MTUS2: variants seen among roughly 807,000 people sequenced by gnomAD.
MTUS2 encodes microtubule associated scaffold protein 2.
Under a neutral mutation model 114.1 loss-of-function variants are expected in MTUS2, and 40 were observed. The observed-to-expected ratio is 0.35, with a 90% CI of 0.27 to 0.46. The LOEUF (loss-of-function observed/expected upper bound fraction) is 0.46. Ranked by LOEUF, MTUS2 falls within the 20% of genes least tolerant of loss-of-function variation. The pLI is 1.00. For synonymous variants in MTUS2, 688 were observed against 672.0 expected (o/e 1.02, Z -0.37); for missense variants, 1,679 against 1,705.4 (o/e 0.98, Z 0.27).
At chr13:29,447,361 G>A (rs932411432) in intron 9 of MTUS2, among the ~76,000 whole-genome samples, 1 of 152,050 alleles carries the variant, frequency 6.6e-6, no homozygotes, top group Non-Finnish European at 1.5e-5. Context: ...GCATAAAGGG[G>A]GAGTATTTTG....
intron 4 of MTUS2, among the ~76,000 whole-genome samples, chr13:29,036,470 A>G (rs2475539): frequency 0.96 from 145,562 of 152,310 alleles, 69,662 homozygotes; most frequent in South Asian, 0.98. Flanking sequence ...TGGTGCTGAG[A>G]AGAATGTATA....
At chr13:29,309,921 A>G (rs910206414) in intron 6 of MTUS2, among the ~76,000 whole-genome samples, 2 of 152,116 alleles carry the variant, frequency 1.3e-5, no homozygotes, top group East Asian at 3.9e-4. Flanking sequence ...GTTACAAACA[A>G]TTCAGTTATC....
intron 2 of MTUS2, among the ~76,000 whole-genome samples, chr13:28,939,346 T>C: frequency 6.6e-6 from 1 of 152,204 alleles, no homozygotes; most frequent in East Asian, 1.9e-4. Context: ...CATTTTTAAC[T>C]GGAGAAATAA....
chr13:29,310,486 G>A (rs1899704648), intron 6 of MTUS2, among the ~76,000 whole-genome samples: 1 of 152,112 alleles, frequency 6.6e-6, no homozygotes, highest in South Asian at 2.1e-4. Flanking sequence ...AAATAGTGTA[G>A]ATGAATATTA....
intron 11 of MTUS2, among the ~76,000 whole-genome samples, chr13:29,492,415 A>G (rs867317075): frequency 1.2e-4 from 18 of 151,656 alleles, no homozygotes; most frequent in Middle Eastern, 3.2e-3. Flanking sequence ...ATCTGCCCCC[A>G]TCTTCTTTTT....
At chr13:29,142,053 G>C (rs1357026536) in intron 5 of MTUS2, among the ~76,000 whole-genome samples, 1 of 151,664 alleles carries the variant, frequency 6.6e-6, no homozygotes, top group Non-Finnish European at 1.5e-5. Flanking sequence ...GTAGATACGG[G>C]GTTTCACTGT....
chr13:29,193,714 G>A (rs1399039508), intron 5 of MTUS2, among the ~76,000 whole-genome samples: 2 of 152,082 alleles, frequency 1.3e-5, no homozygotes, highest in African/African-American at 4.8e-5. Flanking sequence ...ATCTACCAAT[G>A]ACTTTCTTCA....
chr13:28,933,906 T>A (rs140084966), intron 2 of MTUS2, among the ~76,000 whole-genome samples: 1,979 of 152,350 alleles, frequency 0.013, 25 homozygotes, highest in Non-Finnish European at 0.02. Flanking sequence ...GGATTCTCTG[T>A]TGGAAAATGA....
At chr13:28,919,543 G>A (rs1222712947) in intron 2 of MTUS2, among the ~76,000 whole-genome samples, 1 of 151,888 alleles carries the variant, frequency 6.6e-6, no homozygotes, top group Non-Finnish European at 1.5e-5. Flanking sequence ...AATGCCTTGA[G>A]GTAGTCCTCT....
chr13:29,385,050 C>CAGAGGGTGG (rs1872540704), intron 8 of MTUS2, among the ~76,000 whole-genome samples: 2 of 152,178 alleles, frequency 1.3e-5, no homozygotes, highest in Non-Finnish European at 2.9e-5. Flanking sequence ...GTGGACCAGC[C>CAGAGGGTGG]ACTCTGCTGG....
chr13:28,943,306 G>A (rs1453850018), intron 2 of MTUS2, among the ~76,000 whole-genome samples: 3 of 152,268 alleles, frequency 2.0e-5, no homozygotes, highest in Admixed American at 6.5e-5. Context: ...GTTTCTGCTC[G>A]TGTATCTGGC....
At chr13:28,946,996 T>A (rs1413670328) in intron 2 of MTUS2, among the ~76,000 whole-genome samples, 1 of 152,192 alleles carries the variant, frequency 6.6e-6, no homozygotes, top group Non-Finnish European at 1.5e-5. Context: ...GTGAGGCAGG[T>A]ATTCACATTA....
intron 5 of MTUS2, among the ~76,000 whole-genome samples, chr13:29,101,744 A>G (rs899760292): frequency 2.6e-5 from 4 of 152,206 alleles, no homozygotes; most frequent in African/African-American, 4.8e-5. Context: ...AAAGTCTTAG[A>G]GGTTTCCACG....
chr13:29,077,264 G>GT (rs1463201911), intron 4 of MTUS2, among the ~76,000 whole-genome samples: 1 of 152,116 alleles, frequency 6.6e-6, no homozygotes, highest in Non-Finnish European at 1.5e-5. Context: ...GCTGCTGTTT[G>GT]TTTATGTTTC....
intron 6 of MTUS2, among the ~76,000 whole-genome samples, chr13:29,300,453 C>G (rs965432123): frequency 5.9e-5 from 9 of 152,136 alleles, no homozygotes; most frequent in Non-Finnish European, 1.0e-4. Context: ...GCTGAGTTTT[C>G]CATTGTGATT....
At chr13:29,113,091 C>G (rs1035929544) in intron 5 of MTUS2, among the ~76,000 whole-genome samples, 1 of 152,116 alleles carries the variant, frequency 6.6e-6, no homozygotes, top group Non-Finnish European at 1.5e-5. Context: ...GTAGATCCCA[C>G]GTCTCTCCAA....
chr13:29,110,080 T>C (rs376563669), intron 5 of MTUS2, among the ~76,000 whole-genome samples: 1 of 152,270 alleles, frequency 6.6e-6, no homozygotes, highest in Admixed American at 6.5e-5. Flanking sequence ...ATGATTTCTT[T>C]ATTTAAAAAG....
At chr13:29,086,350 C>T (rs1889692174) in intron 4 of MTUS2, among the ~76,000 whole-genome samples, 1 of 152,076 alleles carries the variant, frequency 6.6e-6, no homozygotes, top group Admixed American at 6.5e-5. Flanking sequence ...GAAATCTTTG[C>T]CAAGGCCTAT....
chr13:28,839,108 C>G (rs1396062860), intron 1 of MTUS2, among the ~76,000 whole-genome samples: 1 of 151,986 alleles, frequency 6.6e-6, no homozygotes, highest in Non-Finnish European at 1.5e-5. Context: ...AGCAGGCATT[C>G]TGTGGTGTCT....
Sources: allele counts gnomAD v4.1 joint callset (sites outside exome capture counted in the v4.1 genomes callset), GRCh38; gene constraint gnomAD v4.1.1; transcripts MANE v1.5; gene names NCBI Gene and HGNC (gene_info 2026-07-23, HGNC 2026-07-21).